TRPV1: variants seen among roughly 807,000 people sequenced by gnomAD.
The protein encoded by TRPV1 is transient receptor potential cation channel subfamily V member 1.
Under a neutral mutation model 82.3 loss-of-function variants are expected in TRPV1, and 82 were observed. The ratio of observed to expected loss-of-function variants is 1.00; its 90% CI spans 0.83 to 1.20. TRPV1 has a LOEUF of 1.20. Ranked by LOEUF, TRPV1 falls within the 50% of genes most tolerant of loss-of-function variation. The pLI, the probability that TRPV1 is intolerant of heterozygous loss-of-function variation, is 0.00. For synonymous variants in TRPV1, 515 were observed against 467.7 expected (o/e 1.10, Z -1.30); for missense variants, 1,067 against 1,096.8 (o/e 0.97, Z 0.38).
intron 9 of TRPV1, among the ~76,000 whole-genome samples, chr17:3,583,684 G>A (rs1367787847): frequency 6.6e-6 from 1 of 152,190 alleles, no homozygotes; most frequent in Non-Finnish European, 1.5e-5. Context: ...GCAATGTCCC[G>A]GCAGGCCCAG....
chr17:3,577,504 C>T (rs939808011), intron 12 of TRPV1, 94 bp downstream of exon 12: 28 of 1,434,638 alleles, frequency 2.0e-5, no homozygotes, highest in East Asian at 1.0e-4. Context: ...TTCCCAGGCA[C>T]GACAGAGAGG....
rs1225818853 is a variant in TRPV1, at chr17:3,588,373, C to A, written c.1045-6G>T. ...TGGAGAATATAGGCCAAGACCTGCCCCCGGGGAGCAAGAGCCCGTCAGAGG... is the reference window on the plus strand; with the variant it reads ...TGGAGAATATAGGCCAAGACCTGCCACCGGGGAGCAAGAGCCCGTCAGAGG... On this transcript the variant is annotated splice_polypyrimidine_tract_variant and splice_region_variant and intron_variant, in intron 7 of 16. Coordinates refer to ENST00000572705, the MANE Select transcript of TRPV1 (RefSeq NM_080704.4). The A allele has an allele frequency of 6.4e-7, 1 of 1,552,146 alleles. No homozygotes were observed. Among genetic ancestry groups the A allele is most frequent in the Non-Finnish European group, 8.7e-7 (1 of 1,147,184 alleles).
chr17:3,570,360 A>G (rs1349049018), intron 16 of TRPV1, among the ~76,000 whole-genome samples: 3 of 144,044 alleles, frequency 2.1e-5, no homozygotes, highest in East Asian at 2.0e-4. Flanking sequence ...ACAGAGTGAG[A>G]CTCCATCTCA....
In TRPV1 at chr17:3,566,397, G is replaced by T. The variant is rs1288816706; in HGVS notation, c.*418C>A. On this transcript the variant is annotated 3_prime_UTR_variant, in exon 17 of 17. Transcript: ENST00000572705. ...TAATCCCAGCTACTTGGGAAGCCGA[G>T]GCAGGAGAATTGCTGGAATCCAGGA... 6.5e-6 allele frequency: 1 copy of T among 152,788 alleles called. No homozygotes were observed. Among genetic ancestry groups the T allele is most frequent in the Non-Finnish European group, 1.5e-5 (1 of 68,896 alleles). 9.5% of individuals were successfully genotyped at this position (152,788 alleles called of 1,614,324 possible). A position where few individuals can be genotyped will look rare whatever the true frequency, so the allele number is the denominator to read the frequency against.
chr17:3,571,402 A>T, intron 16 of TRPV1, 122 bp downstream of exon 16: 1 of 723,996 alleles, frequency 1.4e-6, no homozygotes, highest in Non-Finnish European at 2.3e-6. Flanking sequence ...AGGAGCTGCC[A>T]CAGCGCCCGG....
intron 13 of TRPV1, 125 bp downstream of exon 13, chr17:3,576,999 CCT>C (rs1262807980): frequency 3.3e-6 from 3 of 914,838 alleles, no homozygotes; most frequent in Non-Finnish European, 5.0e-6. Context: ...CTCTGTCCAC[CCT>C]CTCAGTCACC....
intron 2 of TRPV1, among the ~76,000 whole-genome samples, chr17:3,594,923 G>A (rs539644943): frequency 1.3e-4 from 20 of 152,286 alleles, no homozygotes; most frequent in Non-Finnish European, 1.8e-4. Context: ...GCTGAAGAAC[G>A]GGAAGTCAGT....
chr17:3,605,338 G>A (rs971214072), intron 2 of TRPV1, among the ~76,000 whole-genome samples: 6 of 151,890 alleles, frequency 4.0e-5, no homozygotes, highest in South Asian at 4.2e-4. Flanking sequence ...GCAAAACCCC[G>A]TCTCTACTAA....
chr17:3,590,665 GAA>G (rs2075145581), intron 5 of TRPV1, among the ~76,000 whole-genome samples: 1 of 152,198 alleles, frequency 6.6e-6, no homozygotes, highest in Non-Finnish European at 1.5e-5. Context: ...GCAGCAGAGA[GAA>G]AGGCCAGAGG....
Position 3,570,692 on chromosome 17 carries a change from A to C in TRPV1, c.2347+832T>G, listed in dbSNP as rs185427655. On this transcript the variant is annotated intron_variant, in intron 16 of 16. Transcript: ENST00000572705. ...ACTGTTAAACAGCTTTCTTTCTGGTAGTAATTTTTCTCAGGGTTTTTCTAT... is the reference window on the plus strand; with the variant it reads ...ACTGTTAAACAGCTTTCTTTCTGGTCGTAATTTTTCTCAGGGTTTTTCTAT... Among the ~76,000 whole-genome samples the C allele has an allele frequency of 1.2e-3, 188 of 152,142 alleles. 1 individual carries two copies. The highest frequency in any genetic ancestry group is 1.3e-3 in the Non-Finnish European group (87 of 68,008).
chr17:3,590,304 C>T lies in TRPV1; in HGVS notation c.693G>A (p.Ala231=), dbSNP rs200532990. ...LVENGADVQA[A]AHGDFFKKTK... ...TTTTCTTAAAGAAGTCCCCATGGGC[C>T]GCAGCCTGGACGTCTGCTCCGTTCT... The change falls in exon 6 of 17, where the codon GCG becomes GCA. Residue 231 remains alanine (A), a synonymous_variant. Transcript: ENST00000572705. The T allele has an allele frequency of 4.0e-5, 64 of 1,613,876 alleles. No homozygotes were observed. Among genetic ancestry groups the T allele is most frequent in the Middle Eastern group, 3.3e-4 (2 of 6,082 alleles).
chr17:3,607,106 G>A (rs1163866457), intron 2 of TRPV1, among the ~76,000 whole-genome samples: 1 of 152,182 alleles, frequency 6.6e-6, no homozygotes, highest in Non-Finnish European at 1.5e-5. Context: ...CCAGCACTTT[G>A]GGAGGCTGAG....
In TRPV1 at chr17:3,565,948, G is replaced by C. The variant is rs2074755430; in HGVS notation, c.*867C>G. 2 of 152,170 alleles carry C rather than the reference G, an allele frequency of 1.3e-5. No homozygotes were observed. Among genetic ancestry groups the C allele is most frequent in the Admixed American group, 1.3e-4 (2 of 15,264 alleles). The allele number at this position is 152,170 out of a possible 1,614,324, so 9.4% of individuals were successfully genotyped here. ...GCACTTTGGGAGGCCAAGGCGGGCA[G>C]ATCACCTGAGGTCAAGAGTTCGAGA... On this transcript the variant is annotated 3_prime_UTR_variant, in exon 17 of 17. Coordinates refer to ENST00000572705, the MANE Select transcript of TRPV1 (RefSeq NM_080704.4).
chr17:3,574,160 A>G (rs1036401769), intron 13 of TRPV1, among the ~76,000 whole-genome samples: 3 of 152,192 alleles, frequency 2.0e-5, no homozygotes, highest in East Asian at 1.9e-4. Context: ...AAATAAATAT[A>G]TAAGTCTCTA....
At chr17:3,576,668 A>AAAAAAAAAATATATATATATAT in intron 13 of TRPV1, among the ~76,000 whole-genome samples, 3 of 38,418 alleles carry the variant, frequency 7.8e-5, no homozygotes, top group Admixed American at 4.5e-4. Context: ...AAAAAAAAAA[A>AAAAAAAAAATATATATATATAT]ATATATATAT....
intron 2 of TRPV1, among the ~76,000 whole-genome samples, chr17:3,597,257 A>G (rs931959064): frequency 2.0e-5 from 3 of 152,142 alleles, no homozygotes; most frequent in African/African-American, 7.2e-5. Flanking sequence ...CAGAGCACTT[A>G]CCAGAGCCAG....
chr17:3,606,511 C>T (rs913902355), intron 2 of TRPV1, among the ~76,000 whole-genome samples: 2 of 152,144 alleles, frequency 1.3e-5, no homozygotes, highest in African/African-American at 4.8e-5. Flanking sequence ...GCAGCCCTGC[C>T]GTGGGCTCAT....
chr17:3,572,205 G>A lies in TRPV1; in HGVS notation c.2148C>T (p.Cys716=). 1 of 1,612,284 alleles carries A rather than the reference G, an allele frequency of 6.2e-7. No individual in the cohort carries two copies. Among genetic ancestry groups the A allele is most frequent in the South Asian group, 1.1e-5 (1 of 90,634 alleles). The change falls in exon 15 of 17, where the codon TGC becomes TGT. Residue 716 remains cysteine, a synonymous_variant. Coordinates refer to ENST00000572705, the MANE Select transcript of TRPV1 (RefSeq NM_080704.4). ...TGCCTGAGCGGAAGGCCTTCCTCAT[G>A]CACTTAAGGAAGCTCTTCTCCGTGT... ...ILDTEKSFLK[C]MRKAFRSGKL...
chr17:3,585,745 G>A lies in TRPV1; in HGVS notation c.1383+23C>T, dbSNP rs200703817. On this transcript the variant is annotated intron_variant, in intron 9 of 16. Transcript: ENST00000572705. ...CCCCACCACCCACACCCTCGCCCAC[G>A]AGGCCTGAGCCTCTGGCCGCACCAA... 8 of 1,607,314 alleles carry A rather than the reference G, an allele frequency of 5.0e-6. No homozygotes were observed. The East Asian group carries it at 1.1e-4, about 23-fold the overall frequency.
Sources: allele counts gnomAD v4.1 joint callset (sites outside exome capture counted in the v4.1 genomes callset), GRCh38; gene constraint gnomAD v4.1.1; transcripts MANE v1.5; gene names NCBI Gene and HGNC (gene_info 2026-07-23, HGNC 2026-07-21).